The following TMEM131 variants were observed in gnomAD, a reference collection of about 807,000 sequenced individuals.
TMEM131 encodes transmembrane protein 131, also known as 2610524E03Rik.
TMEM131 carries 66 observed loss-of-function variants against 211.6 expected under a neutral mutation model. The observed-to-expected ratio is 0.31, with a 90% CI of 0.26 to 0.38. TMEM131 has a LOEUF of 0.38. Ranked by LOEUF, TMEM131 falls within the 10% of genes least tolerant of loss-of-function variation. The pLI is 1.00. For synonymous variants in TMEM131, 844 were observed against 841.3 expected (o/e 1.00, Z -0.06); for missense variants, 2,036 against 2,299.3 (o/e 0.89, Z 2.34).
At chr2:97,803,263 T>A (rs11691494) in intron 22 of TMEM131, among the ~76,000 whole-genome samples, 50,663 of 152,082 alleles carry the variant, frequency 0.33, 9,302 homozygotes, top group Non-Finnish European at 0.39. Context: ...TCAGTAGGAC[T>A]AATGAGAAGG....
At chr2:97,840,387 C>T (rs1384306286) in intron 7 of TMEM131, among the ~76,000 whole-genome samples, 2 of 152,216 alleles carry the variant, frequency 1.3e-5, no homozygotes, top group Non-Finnish European at 2.9e-5. Flanking sequence ...ACCCTGTTAA[C>T]AGCCCTTCTA....
intron 5 of TMEM131, among the ~76,000 whole-genome samples, chr2:97,855,844 A>C (rs1022609983): frequency 6.6e-6 from 1 of 152,258 alleles, no homozygotes; most frequent in African/African-American, 2.4e-5. Context: ...CTATTGCTAC[A>C]TCGCATTTTG....
chr2:97,842,338 A>C (rs944703400), intron 6 of TMEM131, among the ~76,000 whole-genome samples: 28 of 152,218 alleles, frequency 1.8e-4, no homozygotes, highest in African/African-American at 6.0e-4. Flanking sequence ...TTGACTAAGC[A>C]GGGTAAACCA....
chr2:97,919,225 T>G (rs1174492691), intron 2 of TMEM131, among the ~76,000 whole-genome samples: 1 of 152,246 alleles, frequency 6.6e-6, no homozygotes, highest in Admixed American at 6.5e-5. Flanking sequence ...CATTTAGTTA[T>G]CCACACACTT....
At chr2:97,992,847 TA>T (rs1455238858) in intron 1 of TMEM131, among the ~76,000 whole-genome samples, 4 of 152,236 alleles carry the variant, frequency 2.6e-5, no homozygotes, top group African/African-American at 9.6e-5. Context: ...TAGAACTAGT[TA>T]TTTGTAGTGA....
chr2:97,908,579 G>C (rs180701081), intron 3 of TMEM131, 79 bp downstream of exon 3: 4 of 1,028,194 alleles, frequency 3.9e-6, no homozygotes, highest in Non-Finnish European at 5.9e-6. Context: ...AAATGAGCAA[G>C]GGGAAAGAGG....
rs1553620058 is a variant in TMEM131 at position 97,957,112 on chromosome 2, A to AT, written c.188-29626_188-29625insA. On this transcript the variant is annotated intron_variant, in intron 1 of 40. Transcript: ENST00000186436. ...ACTCCGTCTCAAAAAAAAAAAAAAA[A>AT]GTTATCCTACAGCAATAATTTTTAA... Among the ~76,000 whole-genome samples the AT allele has an allele frequency of 5.5e-3, 830 of 150,600 alleles. 8 individuals carry two copies. The highest frequency in any genetic ancestry group is 0.018 in the African/African-American group (721 of 41,126).
In TMEM131 at chr2:97,806,118, G is replaced by C. The variant is rs186310616; in HGVS notation, c.2056-415C>G. Among the ~76,000 whole-genome samples, 102 of 152,284 alleles carry C rather than the reference G, an allele frequency of 6.7e-4. 1 individual carries two copies. The highest frequency in any genetic ancestry group is 1.4e-3 in the South Asian group (7 of 4,828). The stretch of plus-strand genomic sequence containing the variant: ...AAATCACTGAATTCTAAAATCTAAA[G>C]CCAAAGGGGACAAAATCACAATTTT... On this transcript the variant is annotated intron_variant, in intron 19 of 40. Coordinates refer to ENST00000186436, the MANE Select transcript of TMEM131 (RefSeq NM_015348.2).
At chr2:97,969,451 G>A (rs1679200913) in intron 1 of TMEM131, among the ~76,000 whole-genome samples, 1 of 152,044 alleles carries the variant, frequency 6.6e-6, no homozygotes. Context: ...CTAACTCTCT[G>A]GCTGCAGACA....
intron 5 of TMEM131, among the ~76,000 whole-genome samples, chr2:97,856,023 C>G (rs1673828956): frequency 6.6e-6 from 1 of 152,088 alleles, no homozygotes; most frequent in African/African-American, 2.4e-5. Context: ...CAGACTGAAA[C>G]AAAGTTTGTC....
chr2:97,837,855 C>T (rs1394598731), intron 7 of TMEM131, among the ~76,000 whole-genome samples: 1 of 152,152 alleles, frequency 6.6e-6, no homozygotes, highest in Non-Finnish European at 1.5e-5. Flanking sequence ...CAAAAGCTTC[C>T]TCATGCCTTG....
At chr2:97,858,857 T>C (rs1455807304) in intron 5 of TMEM131, among the ~76,000 whole-genome samples, 2 of 152,212 alleles carry the variant, frequency 1.3e-5, no homozygotes, top group African/African-American at 4.8e-5. Context: ...TCAGAGCCTC[T>C]GGACAAGGAC....
chr2:97,941,262 G>A (rs1677712700), intron 1 of TMEM131, among the ~76,000 whole-genome samples: 1 of 152,060 alleles, frequency 6.6e-6, no homozygotes, highest in Non-Finnish European at 1.5e-5. Context: ...GGGAAAACTG[G>A]CTAGCCATAT....
chr2:97,796,133 G>A (rs1273669944), intron 28 of TMEM131, 85 bp downstream of exon 28: 6 of 746,964 alleles, frequency 8.0e-6, no homozygotes, highest in African/African-American at 7.5e-5. Context: ...TGTGGATAAA[G>A]ACCTTTGGTA....
chr2:97,779,112 A>T (rs1317927213), intron 31 of TMEM131, among the ~76,000 whole-genome samples: 2 of 152,218 alleles, frequency 1.3e-5, no homozygotes, highest in African/African-American at 2.4e-5. Flanking sequence ...TTCTGACTCA[A>T]CAGTTCTGGA....
chr2:97,866,925 T>C (rs1285939826), intron 4 of TMEM131, among the ~76,000 whole-genome samples: 2 of 152,246 alleles, frequency 1.3e-5, no homozygotes, highest in African/African-American at 4.8e-5. Context: ...TGCATTACAC[T>C]TATCAGTTAA....
At chr2:97,963,266 T>C (rs10184457) in intron 1 of TMEM131, among the ~76,000 whole-genome samples, 52,966 of 152,144 alleles carry the variant, frequency 0.35, 10,037 homozygotes, top group Middle Eastern at 0.49. Context: ...GTTATTACCC[T>C]GGGCTCTTAA....
At chr2:97,879,264 TAGAC>T (rs1458079382) in intron 4 of TMEM131, among the ~76,000 whole-genome samples, 4 of 152,078 alleles carry the variant, frequency 2.6e-5, no homozygotes, top group African/African-American at 9.7e-5. Context: ...AGCCAATACA[TAGAC>T]AGGCAGAAAT....
At chr2:97,787,382 G>T (rs984889432) in intron 31 of TMEM131, among the ~76,000 whole-genome samples, 5 of 152,130 alleles carry the variant, frequency 3.3e-5, no homozygotes, top group African/African-American at 1.2e-4. Flanking sequence ...GAACATATGT[G>T]GTCCCACGTT....
Sources: gnomAD v4.1 joint callset for allele counts (sites outside exome capture counted in the v4.1 genomes callset) on GRCh38, gnomAD v4.1.1 for gene constraint, MANE v1.5 for transcripts, NCBI Gene and HGNC (gene_info 2026-07-23, HGNC 2026-07-21) for gene names.